LINGO2: variants seen among roughly 807,000 people sequenced by gnomAD.
The protein encoded by LINGO2 is leucine rich repeat and Ig domain containing 2, also known as leucine-rich repeat and immunoglobulin-like domain-containing nogo receptor-interacting protein 2.
Under a neutral mutation model 30.6 loss-of-function variants are expected in LINGO2, and 14 were observed. The ratio of observed to expected loss-of-function variants is 0.46; its 90% CI spans 0.30 to 0.72. The LOEUF is 0.72. Among genes scored for constraint, LINGO2 ranks in the 30% least tolerant of loss-of-function variants. The pLI is 0.07. For missense variants in LINGO2, 729 were observed against 751.7 expected (o/e 0.97, Z 0.35); for synonymous variants, 317 against 288.5 (o/e 1.10, Z -1.00).
intron 3 of LINGO2, among the ~76,000 whole-genome samples, chr9:28,369,890 T>C (rs1452945182): frequency 1.3e-5 from 2 of 152,166 alleles, no homozygotes; most frequent in Non-Finnish European, 2.9e-5. Flanking sequence ...TTAATAATCA[T>C]TGTATAATCT....
At chr9:27,957,511 C>A (rs955612910) in intron 5 of LINGO2, among the ~76,000 whole-genome samples, 1 of 152,136 alleles carries the variant, frequency 6.6e-6, no homozygotes, top group Non-Finnish European at 1.5e-5. Flanking sequence ...CCAGGATGAT[C>A]TCGATCTCCT....
At chr9:29,197,173 G>A in the LINGO2 span, among the ~76,000 whole-genome samples, 15 of 152,040 alleles carry the variant, frequency 9.9e-5, no homozygotes, top group Admixed American at 5.2e-4. Flanking sequence ...GAGATTTCTG[G>A]TGTTCAGAAA....
chr9:28,059,743 T>C (rs1305144215), intron 4 of LINGO2, among the ~76,000 whole-genome samples: 1 of 152,106 alleles, frequency 6.6e-6, no homozygotes, highest in Non-Finnish European at 1.5e-5. Flanking sequence ...CATGTTGACT[T>C]TTAGCTTAAA....
intron 5 of LINGO2, among the ~76,000 whole-genome samples, chr9:27,952,992 C>G (rs573054667): frequency 6.6e-6 from 1 of 151,632 alleles, no homozygotes; most frequent in African/African-American, 2.4e-5. Context: ...AAGGTGAATG[C>G]CAATAGAAAA....
the LINGO2 span, among the ~76,000 whole-genome samples, chr9:28,816,243 C>A: frequency 6.6e-6 from 1 of 152,296 alleles, no homozygotes; most frequent in South Asian, 2.1e-4. Flanking sequence ...AACACATGAA[C>A]TTTGGGGGAC....
chr9:29,074,676 T>C, the LINGO2 span, among the ~76,000 whole-genome samples: 1 of 141,958 alleles, frequency 7.0e-6, no homozygotes, highest in Admixed American at 7.2e-5. Flanking sequence ...TAAAATTACT[T>C]ACTTTTTTTT....
In LINGO2 at chr9:28,506,487, T is replaced by TATATATATATATAG. The variant is rs1554729610; in HGVS notation, c.-364-30463_-364-30462insCTATATATATATAT. The stretch of plus-strand genomic sequence containing the variant: ...ATACACACACACACACACATACACA[T>TATATATATATATAG]ACACACACACACACAGACATATATA... On this transcript the variant is annotated intron_variant, in intron 1 of 5. Coordinates refer to ENST00000379992, the Ensembl canonical transcript of LINGO2. 9.4e-4 allele frequency among the ~76,000 whole-genome samples: 38 copies of TATATATATATATAG among 40,434 alleles called. 1 individual carries two copies. Among genetic ancestry groups the TATATATATATATAG allele is most frequent in the African/African-American group, 2.0e-3 (30 of 14,832 alleles). 26.5% of individuals were successfully genotyped at this position (40,434 alleles called of 152,430 possible).
intron 1 of LINGO2, among the ~76,000 whole-genome samples, chr9:28,603,212 G>A (rs1825561862): frequency 6.6e-6 from 1 of 152,004 alleles, no homozygotes; most frequent in South Asian, 2.1e-4. Flanking sequence ...ATAAAAGTCT[G>A]TACAGAATTA....
the LINGO2 span, among the ~76,000 whole-genome samples, chr9:29,166,526 TG>T: frequency 6.6e-6 from 1 of 152,198 alleles, no homozygotes; most frequent in African/African-American, 2.4e-5. Flanking sequence ...ATCTTACAGA[TG>T]AAAAACTAGT....
intron 1 of LINGO2, among the ~76,000 whole-genome samples, chr9:28,592,099 G>C (rs1323977683): frequency 6.6e-6 from 1 of 151,988 alleles, no homozygotes; most frequent in African/African-American, 2.4e-5. Flanking sequence ...TGGAGTAATG[G>C]GATATTTTTT....
intron 4 of LINGO2, among the ~76,000 whole-genome samples, chr9:28,060,581 T>G (rs1825112285): frequency 6.6e-6 from 1 of 152,188 alleles, no homozygotes; most frequent in African/African-American, 2.4e-5. Context: ...AGTCTGACTT[T>G]AGAGCTTGAA....
chr9:28,462,979 A>G (rs928155785), intron 2 of LINGO2, among the ~76,000 whole-genome samples: 35 of 152,138 alleles, frequency 2.3e-4, no homozygotes, highest in Admixed American at 1.4e-3. Context: ...CGTGGGAACT[A>G]CATACAGGGT....
chr9:28,453,640 A>G (rs893987544), intron 2 of LINGO2, among the ~76,000 whole-genome samples: 2 of 151,924 alleles, frequency 1.3e-5, no homozygotes, highest in Non-Finnish European at 2.9e-5. Flanking sequence ...AGAGGAGTAA[A>G]ATGGTCTAAT....
the LINGO2 span, among the ~76,000 whole-genome samples, chr9:29,106,163 G>T: frequency 6.6e-6 from 1 of 152,088 alleles, no homozygotes; most frequent in East Asian, 1.9e-4. Context: ...ATAATCTCAA[G>T]ATTCAAAATA....
the LINGO2 span, among the ~76,000 whole-genome samples, chr9:28,995,890 G>GGATAGCAT: frequency 6.7e-6 from 1 of 150,214 alleles, no homozygotes; most frequent in South Asian, 2.1e-4. Flanking sequence ...GGATGGGGGA[G>GGATAGCAT]GGATAGCATT....
chr9:28,752,536 G>GA, the LINGO2 span, among the ~76,000 whole-genome samples: 1 of 151,992 alleles, frequency 6.6e-6, no homozygotes, highest in South Asian at 2.1e-4. Flanking sequence ...ATTTTCCACA[G>GA]AAGAAATTTG....
chr9:28,313,629 T>C (rs1345602892), intron 3 of LINGO2, among the ~76,000 whole-genome samples: 2 of 152,180 alleles, frequency 1.3e-5, no homozygotes, highest in African/African-American at 4.8e-5. Context: ...GGCTGGATTC[T>C]CTCAGAATCA....
At chr9:27,983,194 A>C (rs1219361817) in intron 5 of LINGO2, among the ~76,000 whole-genome samples, 1 of 151,932 alleles carries the variant, frequency 6.6e-6, no homozygotes, top group African/African-American at 2.4e-5. Flanking sequence ...AGTTATGTGA[A>C]ATGCATGCAT....
chr9:28,470,410 T>C (rs1825474355), intron 2 of LINGO2, among the ~76,000 whole-genome samples: 1 of 152,182 alleles, frequency 6.6e-6, no homozygotes, highest in Non-Finnish European at 1.5e-5. Flanking sequence ...TCACACTGTT[T>C]GGAAACTAAT....
Sources: allele counts gnomAD v4.1 joint callset (sites outside exome capture counted in the v4.1 genomes callset), GRCh38; gene constraint gnomAD v4.1.1; transcripts MANE v1.5; gene names NCBI Gene and HGNC (gene_info 2026-07-23, HGNC 2026-07-21).